Variants in STARD13 observed in about 807,000 individuals in gnomAD.
STARD13 encodes the protein StAR related lipid transfer domain containing 13.
Under a neutral mutation model 106.4 loss-of-function variants are expected in STARD13, and 62 were observed. The observed-to-expected ratio is 0.58, with a 90% CI of 0.48 to 0.72. The LOEUF is 0.72. Among genes scored for constraint, STARD13 ranks in the 30% least tolerant of loss-of-function variants. The pLI is 0.00. For synonymous variants in STARD13, 565 were observed against 553.0 expected, an observed-to-expected ratio of 1.02 and a Z score of -0.31; for missense variants, 1,387 against 1,424.0, an observed-to-expected ratio of 0.97 and a Z score of 0.42.
chr13:33,488,327 C>T, the STARD13 span, among the ~76,000 whole-genome samples: 16 of 152,284 alleles, frequency 1.1e-4, no homozygotes, highest in South Asian at 4.1e-4. Context: ...TGCTTCTCCT[C>T]GGTGCTTTAT....
chr13:33,374,368 A>T, the STARD13 span, among the ~76,000 whole-genome samples: 1 of 152,210 alleles, frequency 6.6e-6, no homozygotes, highest in African/African-American at 2.4e-5. Context: ...TGATGGTTAC[A>T]TAACAATATA....
intron 1 of STARD13, among the ~76,000 whole-genome samples, chr13:33,267,516 A>G (rs781753153): frequency 2.6e-5 from 4 of 152,196 alleles, no homozygotes; most frequent in Non-Finnish European, 4.4e-5. Flanking sequence ...CCGCCCATCA[A>G]ACTCTGGTGT....
At chr13:33,662,284 A>G in the STARD13 span, among the ~76,000 whole-genome samples, 12 of 151,530 alleles carry the variant, frequency 7.9e-5, no homozygotes, top group South Asian at 2.5e-3. Context: ...AAAGTTATTT[A>G]TTTCTTGCCC....
At chr13:33,666,627 C>CA in the STARD13 span, among the ~76,000 whole-genome samples, 139 of 151,988 alleles carry the variant, frequency 9.1e-4, no homozygotes, top group Middle Eastern at 3.4e-3. Context: ...CACGCTCTGT[C>CA]ACCCAGGCTG....
the STARD13 span, among the ~76,000 whole-genome samples, chr13:33,479,460 AAAAGAGTC>A: frequency 6.6e-6 from 1 of 152,232 alleles, no homozygotes; most frequent in African/African-American, 2.4e-5. Context: ...CAAAAGACCT[AAAAGAGTC>A]AAACATATGT....
At chr13:33,210,180 G>C (rs969141457) in intron 1 of STARD13, among the ~76,000 whole-genome samples, 4 of 152,188 alleles carry the variant, frequency 2.6e-5, no homozygotes, top group East Asian at 3.8e-4. Context: ...TTAAACATCA[G>C]CTCTGCAGAG....
the STARD13 span, among the ~76,000 whole-genome samples, chr13:33,559,327 A>G: frequency 1.3e-5 from 2 of 151,690 alleles, no homozygotes; most frequent in African/African-American, 2.4e-5. Context: ...GTAATACATA[A>G]AACTCAGATA....
the STARD13 span, among the ~76,000 whole-genome samples, chr13:33,421,504 CTCTA>C: frequency 6.6e-6 from 1 of 151,916 alleles, no homozygotes; most frequent in Admixed American, 6.6e-5. Flanking sequence ...CACAGCCGAA[CTCTA>C]CCAAGGTACA....
At chr13:33,563,906 G>A in the STARD13 span, among the ~76,000 whole-genome samples, 1 of 147,188 alleles carries the variant, frequency 6.8e-6, no homozygotes, top group Non-Finnish European at 1.5e-5. Flanking sequence ...TTTAAAAAGG[G>A]CACGGCTGGG....
At chr13:33,472,660 G>A in the STARD13 span, among the ~76,000 whole-genome samples, 1 of 152,098 alleles carries the variant, frequency 6.6e-6, no homozygotes, top group Non-Finnish European at 1.5e-5. Context: ...GGAGCTCAGT[G>A]CGGTTTTCTT....
chr13:33,470,547 A>G, the STARD13 span, among the ~76,000 whole-genome samples: 2 of 152,234 alleles, frequency 1.3e-5, no homozygotes, highest in Non-Finnish European at 2.9e-5. Context: ...CCAACAGTGT[A>G]AAAGCATTCC....
intron 3 of STARD13, among the ~76,000 whole-genome samples, chr13:33,147,577 A>T (rs1880719570): frequency 6.6e-6 from 1 of 152,246 alleles, no homozygotes; most frequent in Admixed American, 6.5e-5. Flanking sequence ...TTAGTTCCAG[A>T]TATTCATTAA....
chr13:33,411,368 T>G, the STARD13 span, among the ~76,000 whole-genome samples: 3 of 152,242 alleles, frequency 2.0e-5, no homozygotes, highest in South Asian at 6.2e-4. Flanking sequence ...CACTTCAGAG[T>G]CTGTTTTTAA....
In STARD13 at chr13:33,144,521, G is replaced by A. The variant is rs148606133; in HGVS notation, c.324-2148C>T. ...TCAACTTTTTCTCACGTCGCTCACC[G>A]ACTGAAATACGTTTAATGACTCTCC... On this transcript the variant is annotated intron_variant, in intron 3 of 13. Coordinates refer to ENST00000336934, the MANE Select transcript of STARD13 (RefSeq NM_178006.4). Among the ~76,000 whole-genome samples the A allele has an allele frequency of 2.3e-3, 352 of 152,284 alleles. 4 individuals carry two copies. The highest frequency in any genetic ancestry group is 8.1e-3 in the African/African-American group (337 of 41,546).
At chr13:33,234,832 G>A (rs1042720575) in intron 1 of STARD13, among the ~76,000 whole-genome samples, 3 of 152,172 alleles carry the variant, frequency 2.0e-5, no homozygotes, top group Non-Finnish European at 4.4e-5. Context: ...TCATAACAAT[G>A]ATGGCATACA....
intron 7 of STARD13, among the ~76,000 whole-genome samples, chr13:33,120,056 G>C (rs1876032218): frequency 6.6e-6 from 1 of 152,236 alleles, no homozygotes; most frequent in Admixed American, 6.5e-5. Flanking sequence ...CCACAGGGCT[G>C]GCTGTGCTGT....
At chr13:33,674,431 T>C in the STARD13 span, among the ~76,000 whole-genome samples, 2 of 152,218 alleles carry the variant, frequency 1.3e-5, no homozygotes, top group Non-Finnish European at 2.9e-5. Context: ...AATGACATAT[T>C]CTTTAAATGT....
chr13:33,315,540 G>A lies in STARD13; in HGVS notation c.124+34750C>T, dbSNP rs11843801. ...TTGGCAGAGTTAGCATCCACTGACA[G>A]CAATGGTAAATAGAAACTCTTTGTG... is the stretch of plus-strand genomic sequence containing the variant. On this transcript the variant is annotated intron_variant, in intron 1 of 5. Coordinates refer to the STARD13 transcript ENST00000567873. Among the ~76,000 whole-genome samples the A allele has an allele frequency of 1.8e-4, 27 of 152,312 alleles. No homozygotes were observed. In the East Asian group the frequency reaches 4.8e-3, roughly 27 times the overall value.
In STARD13 at chr13:33,329,189, C is replaced by G. The variant is rs1167956611; in HGVS notation, c.124+21101G>C. Among the ~76,000 whole-genome samples the G allele has an allele frequency of 2.0e-5, 3 of 152,176 alleles. No homozygotes were observed. In the East Asian group the frequency reaches 5.8e-4, roughly 29 times the overall value. Reference sequence around the variant, plus strand: ...ATGAAATTTTGTGAAACCTTTTAAACTATGTACCCCTAAAATCATTCTGTA... The same window carrying G: ...ATGAAATTTTGTGAAACCTTTTAAAGTATGTACCCCTAAAATCATTCTGTA... On this transcript the variant is annotated intron_variant, in intron 1 of 5. Transcript: ENST00000567873.
Sources: allele counts gnomAD v4.1 joint callset (sites outside exome capture counted in the v4.1 genomes callset), GRCh38; gene constraint gnomAD v4.1.1; transcripts MANE v1.5; gene names NCBI Gene and HGNC (gene_info 2026-07-23, HGNC 2026-07-21).